RPH3AL: variants seen among roughly 807,000 people sequenced by gnomAD.
The protein encoded by RPH3AL is rabphilin 3A like (without C2 domains), also known as rab effector Noc2.
A neutral mutation model predicts 43.1 loss-of-function variants in RPH3AL; 38 were observed. The ratio of observed to expected loss-of-function variants is 0.88; its 90% CI spans 0.68 to 1.15. RPH3AL has a LOEUF of 1.15. RPH3AL is among the 50% of genes most tolerant of loss of function. The pLI is 0.00. For synonymous variants in RPH3AL, 189 were observed against 176.3 expected (o/e 1.07, Z -0.57); for missense variants, 462 against 423.2 (o/e 1.09, Z -0.81).
At chr17:248,926 G>A (rs74720408) in intron 6 of RPH3AL, among the ~76,000 whole-genome samples, 16,830 of 152,156 alleles carry the variant, frequency 0.11, 1,202 homozygotes, top group Non-Finnish European at 0.15. Context: ...CGAGGCTCCA[G>A]GGCGAAGCAA....
At chr17:222,819 T>C (rs1222971098) in intron 7 of RPH3AL, among the ~76,000 whole-genome samples, 1 of 152,190 alleles carries the variant, frequency 6.6e-6, no homozygotes, top group East Asian at 1.9e-4. Context: ...CCTTTTTCCA[T>C]TTCTTCCTCT....
At chr17:336,210 T>A (rs2044949460) in intron 1 of RPH3AL, among the ~76,000 whole-genome samples, 1 of 152,114 alleles carries the variant, frequency 6.6e-6, no homozygotes, top group Non-Finnish European at 1.5e-5. Flanking sequence ...TCTGTTACTA[T>A]GACACGGGAA....
In RPH3AL at chr17:257,684, G is replaced by A. The variant is rs57988141; in HGVS notation, c.439-10399C>T. ...AGCCGCACGGCGTCTGTCCTTTTCC[G>A]TCCCTAGGAATGTGACTACCCTACG... On this transcript the variant is annotated intron_variant, in intron 6 of 9. Coordinates refer to ENST00000331302, the MANE Select transcript of RPH3AL (RefSeq NM_006987.4). Among the ~76,000 whole-genome samples the A allele has an allele frequency of 2.3e-3, 64 of 27,290 alleles. 1 individual carries two copies. Among genetic ancestry groups the A allele is most frequent in the East Asian group, 5.0e-3 (4 of 796 alleles). The allele number at this position is 27,290 out of a possible 152,430, so 17.9% of individuals were successfully genotyped here.
chr17:293,886 G>T (rs558843368), intron 5 of RPH3AL, among the ~76,000 whole-genome samples: 5 of 152,142 alleles, frequency 3.3e-5, no homozygotes. Flanking sequence ...AAAATTAGCC[G>T]GGCGCGGTGG....
At position 235,793 on chromosome 17, in the gene RPH3AL, A is replaced by G. The variant is rs866867117; in HGVS notation, c.613+11318T>C. On this transcript the variant is annotated intron_variant, in intron 7 of 9. Coordinates refer to ENST00000331302, the MANE Select transcript of RPH3AL (RefSeq NM_006987.4). ...TCGGCGGAGGCTCCGCACTAACAAG[A>G]TGGATCCTGGGTTCAAAGCTGGGGT... 8.7e-4 allele frequency among the ~76,000 whole-genome samples: 123 copies of G among 142,170 alleles called. 3 individuals are homozygous for G. Among genetic ancestry groups the G allele is most frequent in the African/African-American group, 3.0e-3 (119 of 39,348 alleles). The allele number at this position is 142,170 out of a possible 152,430, so 93.3% of individuals were successfully genotyped here.
At chr17:236,319 C>G (rs557971901) in intron 7 of RPH3AL, among the ~76,000 whole-genome samples, 19 of 152,290 alleles carry the variant, frequency 1.2e-4, no homozygotes, top group Non-Finnish European at 2.2e-4. Context: ...ATCGAGGAAA[C>G]CTAAATGTCC....
intron 6 of RPH3AL, among the ~76,000 whole-genome samples, chr17:248,231 C>A (rs552306903): frequency 6.6e-5 from 10 of 152,334 alleles, no homozygotes; most frequent in African/African-American, 2.4e-4. Context: ...TCGAGCCACC[C>A]CCTCTTGCCA....
rs77698470 is a variant in RPH3AL at position 220,430 on chromosome 17, C to T, written c.614-694G>A. 4.4e-3 allele frequency among the ~76,000 whole-genome samples: 627 copies of T among 142,908 alleles called. 2 individuals are homozygous for T. The highest frequency in any genetic ancestry group is 0.016 in the African/African-American group (563 of 36,300). The allele number at this position is 142,908 out of a possible 152,430, so 93.8% of individuals were successfully genotyped here. A position where few individuals can be genotyped will look rare whatever the true frequency, so the allele number is the denominator to read the frequency against. ...GCACAACAGCTCGGAGGCCTCCACT[C>T]GGTGAGACAATAGACCCAAGCACAA... On this transcript the variant is annotated intron_variant, in intron 7 of 9. Transcript: ENST00000331302.
chr17:310,526 G>A (rs1404006249), intron 5 of RPH3AL, among the ~76,000 whole-genome samples: 1 of 152,152 alleles, frequency 6.6e-6, no homozygotes. Flanking sequence ...GCCCCAGGCT[G>A]CAGCCATCCG....
At chr17:316,097 A>G (rs557987012) in intron 5 of RPH3AL, among the ~76,000 whole-genome samples, 62 of 139,728 alleles carry the variant, frequency 4.4e-4, no homozygotes, top group African/African-American at 1.6e-3. Flanking sequence ...ACCTCCATTG[A>G]CCTGTAGTCT....
At chr17:277,281 C>T (rs920671113) in intron 6 of RPH3AL, among the ~76,000 whole-genome samples, 2 of 152,098 alleles carry the variant, frequency 1.3e-5, no homozygotes, top group Non-Finnish European at 2.9e-5. Flanking sequence ...AAAAAAGACA[C>T]AGAAAAATGG....
chr17:345,790 GC>G (rs1438262946), intron 1 of RPH3AL, among the ~76,000 whole-genome samples: 2 of 131,042 alleles, frequency 1.5e-5, no homozygotes, highest in Non-Finnish European at 3.5e-5. Context: ...CTCCCCATCT[GC>G]ATGCACACCC....
intron 6 of RPH3AL, among the ~76,000 whole-genome samples, chr17:249,503 C>G (rs782396411): frequency 2.0e-4 from 31 of 152,036 alleles, no homozygotes; most frequent in Non-Finnish European, 3.7e-4. Flanking sequence ...CACCGCCACC[C>G]CCCTCCTGCC....
chr17:305,027 GGAGGGGGACAGGGCGA>G (rs1567631408), intron 5 of RPH3AL, among the ~76,000 whole-genome samples: 4 of 48,506 alleles, frequency 8.2e-5, no homozygotes, highest in East Asian at 1.8e-3. Context: ...GGACAGGGCG[GGAGGGGGACAGGGCGA>G]GAGGGGGACA....
chr17:221,627 A>C (rs2040978503), intron 7 of RPH3AL, among the ~76,000 whole-genome samples: 6 of 142,836 alleles, frequency 4.2e-5, no homozygotes, highest in Non-Finnish European at 1.5e-5. Context: ...CAAGCACAAC[A>C]GCTCTGAGGG....
intron 5 of RPH3AL, among the ~76,000 whole-genome samples, chr17:318,502 G>C (rs913311626): frequency 2.0e-5 from 3 of 152,162 alleles, no homozygotes; most frequent in Non-Finnish European, 4.4e-5. Context: ...TTCTCACCTA[G>C]GAGGGCAGCA....
intron 5 of RPH3AL, among the ~76,000 whole-genome samples, chr17:314,830 G>C (rs113259651): frequency 1.5e-5 from 2 of 135,208 alleles, no homozygotes; most frequent in African/African-American, 2.8e-5. Flanking sequence ...TGTAGTCTCT[G>C]TGCTCCACCT....
intron 5 of RPH3AL, among the ~76,000 whole-genome samples, chr17:305,013 AG>A (rs1168032387): frequency 3.7e-4 from 4 of 10,684 alleles, no homozygotes; most frequent in South Asian, 3.4e-3. Context: ...ACAGGGCGAG[AG>A]GGGGACAGGG....
intron 5 of RPH3AL, among the ~76,000 whole-genome samples, chr17:295,273 G>A (rs549150030): frequency 6.0e-3 from 877 of 146,938 alleles, no homozygotes; most frequent in African/African-American, 0.022. Flanking sequence ...ATCAGTGTGG[G>A]AGGGACAGAG....
Sources: gnomAD v4.1 joint callset for allele counts (sites outside exome capture counted in the v4.1 genomes callset) on GRCh38, gnomAD v4.1.1 for gene constraint, MANE v1.5 for transcripts, NCBI Gene and HGNC (gene_info 2026-07-23, HGNC 2026-07-21) for gene names.